The following DLG2 variants were observed in gnomAD, a reference collection of about 807,000 sequenced individuals.
The protein encoded by DLG2 is disks large homolog 2.
A neutral mutation model predicts 132.5 loss-of-function variants in DLG2; 45 were observed. That is an observed-to-expected ratio of 0.34 (90% CI 0.27 to 0.44). The LOEUF is 0.44. DLG2 is among the 20% of genes least tolerant of loss of function. DLG2 has a pLI of 1.00. For synonymous variants in DLG2, 424 were observed against 419.6 expected, an observed-to-expected ratio of 1.01 and a Z score of -0.13; for missense variants, 1,045 against 1,196.9, an observed-to-expected ratio of 0.87 and a Z score of 1.87.
chr11:84,695,272 T>C (rs1209068169), intron 6 of DLG2, among the ~76,000 whole-genome samples: 1 of 151,580 alleles, frequency 6.6e-6, no homozygotes, highest in Non-Finnish European at 1.5e-5. Flanking sequence ...CAAGATGCAC[T>C]GCTGGCAGAG....
chr11:84,106,728 G>T (rs1386291980), intron 9 of DLG2, among the ~76,000 whole-genome samples: 1 of 152,014 alleles, frequency 6.6e-6, no homozygotes, highest in Non-Finnish European at 1.5e-5. Flanking sequence ...TTAATAAATA[G>T]GCCAAGAGAG....
At chr11:83,987,225 T>G (rs1438968080) in intron 11 of DLG2, among the ~76,000 whole-genome samples, 2 of 152,044 alleles carry the variant, frequency 1.3e-5, no homozygotes, top group Admixed American at 6.6e-5. Flanking sequence ...GAACATTCCA[T>G]GCTCATGGGT....
At chr11:85,064,466 CT>C (rs1407790142) in intron 6 of DLG2, among the ~76,000 whole-genome samples, 1 of 151,764 alleles carries the variant, frequency 6.6e-6, no homozygotes, top group Non-Finnish European at 1.5e-5. Context: ...AACTCTGACA[CT>C]TTTCTATACC....
intron 7 of DLG2, among the ~76,000 whole-genome samples, chr11:84,420,638 AATGC>A (rs1296523348): frequency 4.8e-5 from 6 of 124,932 alleles, no homozygotes; most frequent in African/African-American, 1.6e-4. Context: ...CACAGTGACC[AATGC>A]TTGTTTTCTT....
chr11:84,492,109 G>A (rs1339689239), intron 7 of DLG2, among the ~76,000 whole-genome samples: 2 of 152,052 alleles, frequency 1.3e-5, no homozygotes, highest in Non-Finnish European at 2.9e-5. Flanking sequence ...ATACATGAGA[G>A]ATATAAATTT....
At chr11:84,092,331 A>G (rs1206085213) in intron 10 of DLG2, among the ~76,000 whole-genome samples, 1 of 152,234 alleles carries the variant, frequency 6.6e-6, no homozygotes, top group Non-Finnish European at 1.5e-5. Flanking sequence ...GTTGTATTGC[A>G]GGCCTTGCCT....
intron 8 of DLG2, among the ~76,000 whole-genome samples, chr11:84,190,663 T>C (rs1221291300): frequency 1.3e-5 from 2 of 152,222 alleles, no homozygotes; most frequent in African/African-American, 2.4e-5. Flanking sequence ...AAATAGCAAC[T>C]GCCTGGGCTG....
At chr11:84,916,073 C>T (rs1242150909) in intron 6 of DLG2, among the ~76,000 whole-genome samples, 2 of 151,990 alleles carry the variant, frequency 1.3e-5, no homozygotes, top group Non-Finnish European at 2.9e-5. Context: ...AGGCCGGGCG[C>T]GGTGGCTCAC....
chr11:84,277,284 AG>A (rs1378451115), intron 7 of DLG2, among the ~76,000 whole-genome samples: 1 of 152,220 alleles, frequency 6.6e-6, no homozygotes, highest in Non-Finnish European at 1.5e-5. Context: ...CACATTTTTA[AG>A]TGCTCAAATA....
intron 7 of DLG2, among the ~76,000 whole-genome samples, chr11:84,268,827 G>C (rs2097682458): frequency 6.6e-6 from 1 of 152,064 alleles, no homozygotes; most frequent in South Asian, 2.1e-4. Flanking sequence ...TGACAGAATT[G>C]AGATAATACA....
intron 3 of DLG2, among the ~76,000 whole-genome samples, chr11:85,529,286 G>A (rs1213131421): frequency 6.6e-6 from 1 of 152,112 alleles, no homozygotes; most frequent in Non-Finnish European, 1.5e-5. Flanking sequence ...TTATGAACAT[G>A]TAACATGAAC....
chr11:84,988,505 A>G (rs1286848430), intron 6 of DLG2, among the ~76,000 whole-genome samples: 1 of 152,204 alleles, frequency 6.6e-6, no homozygotes, highest in Non-Finnish European at 1.5e-5. Flanking sequence ...AACTGATATT[A>G]TATATATTAC....
chr11:83,551,430 A>G (rs1349290466), intron 19 of DLG2, among the ~76,000 whole-genome samples: 1 of 152,198 alleles, frequency 6.6e-6, no homozygotes, highest in Non-Finnish European at 1.5e-5. Context: ...ACTCATGAGT[A>G]TATGAAAAAC....
intron 6 of DLG2, among the ~76,000 whole-genome samples, chr11:84,904,538 G>T (rs574133617): frequency 6.6e-6 from 1 of 152,126 alleles, no homozygotes; most frequent in South Asian, 2.1e-4. Context: ...ATTGCCGTTC[G>T]CTACTTCTTT....
In DLG2 at chr11:85,428,666, G is replaced by C. The variant is rs182831123; in HGVS notation, c.41-143301C>G. On this transcript the variant is annotated intron_variant, in intron 3 of 27. Transcript: ENST00000376104. ...AATTTATAGCACTAAATGCCCACAA[G>C]AGAAAGAAGGAAAGATCTAAAATTG... 6.4e-3 allele frequency among the ~76,000 whole-genome samples: 971 copies of C among 152,302 alleles called. 10 individuals carry two copies. The highest frequency in any genetic ancestry group is 0.022 in the African/African-American group (934 of 41,564).
intron 9 of DLG2, among the ~76,000 whole-genome samples, chr11:84,117,785 GAATA>G (rs2093705277): frequency 1.3e-5 from 2 of 152,094 alleles, no homozygotes; most frequent in South Asian, 4.1e-4. Flanking sequence ...AGTATTTGTT[GAATA>G]AATAAATTAA....
rs142383217 is a variant in DLG2, at chr11:84,972,557, G to A, written c.357+139104C>T. ...GATTCAAACAAGAAACTTTTAAAGC[G>A]AAATGGTGCAACTTCCCAAACCAAA... is the stretch of plus-strand genomic sequence containing the variant. On this transcript the variant is annotated intron_variant, in intron 6 of 27. Transcript: ENST00000376104. Among the ~76,000 whole-genome samples, 869 of 152,278 alleles carry A rather than the reference G, an allele frequency of 5.7e-3. 1 individual carries two copies. The highest frequency in any genetic ancestry group is 9.7e-3 in the Non-Finnish European group (662 of 68,020).
intron 3 of DLG2, among the ~76,000 whole-genome samples, chr11:85,409,229 C>G (rs1473979956): frequency 1.3e-5 from 2 of 151,782 alleles, no homozygotes; most frequent in Admixed American, 6.6e-5. Context: ...TAATTAACCC[C>G]AGGTCACATA....
intron 9 of DLG2, among the ~76,000 whole-genome samples, chr11:84,112,005 A>C (rs1056365913): frequency 1.3e-5 from 2 of 150,950 alleles, no homozygotes; most frequent in Admixed American, 1.3e-4. Flanking sequence ...TTTTTTAACC[A>C]CTTTTTTTTC....
Sources: allele counts gnomAD v4.1 joint callset (sites outside exome capture counted in the v4.1 genomes callset), GRCh38; gene constraint gnomAD v4.1.1; transcripts MANE v1.5; gene names NCBI Gene and HGNC (gene_info 2026-07-23, HGNC 2026-07-21).